The following TRAPPC13 variants were observed in gnomAD, a reference collection of about 807,000 sequenced individuals.
TRAPPC13 encodes trafficking protein particle complex subunit 13.
A neutral mutation model predicts 54.0 loss-of-function variants in TRAPPC13; 39 were observed. That is an observed-to-expected ratio of 0.72 (90% confidence interval 0.56 to 0.94). TRAPPC13 has a LOEUF of 0.94. Ranked by LOEUF, TRAPPC13 falls within the 40% of genes least tolerant of loss-of-function variation. The probability of loss-of-function intolerance (pLI) is 0.00; values close to 1 mark genes in which losing one functional copy is unlikely to be tolerated. For synonymous variants in TRAPPC13, 148 were observed against 167.7 expected (o/e 0.88, Z 0.91); for missense variants, 386 against 488.1 (o/e 0.79, Z 1.97).
At chr5:65,639,015 C>A (rs1755868563) in intron 4 of TRAPPC13, among the ~76,000 whole-genome samples, 1 of 152,184 alleles carries the variant, frequency 6.6e-6, no homozygotes, top group South Asian at 2.1e-4. Context: ...ACCTGGGAGG[C>A]TGAGGTTGCA....
chr5:65,657,971 TGAA>T (rs1433652567), intron 8 of TRAPPC13: 2 of 159,350 alleles, frequency 1.3e-5, no homozygotes, highest in African/African-American at 4.8e-5. Flanking sequence ...CATATTATAA[TGAA>T]GACTTAATTA....
At chr5:65,643,322 A>G (rs940446413) in intron 4 of TRAPPC13, among the ~76,000 whole-genome samples, 6 of 152,036 alleles carry the variant, frequency 3.9e-5, no homozygotes, top group Admixed American at 6.5e-5. Context: ...AGAAGAATGT[A>G]TATGTTTTAT....
intron 5 of TRAPPC13, among the ~76,000 whole-genome samples, chr5:65,647,572 C>T (rs879600798): frequency 6.6e-6 from 1 of 151,882 alleles, no homozygotes; most frequent in Admixed American, 6.6e-5. Context: ...TGCACTCTGT[C>T]CTGAGAACTC....
At position 65,658,423 on chromosome 5, in the gene TRAPPC13, T is replaced by C. The variant is rs1482706093; in HGVS notation, c.620T>C (p.Phe207Ser). The change falls in exon 9 of 13, where the codon TTT becomes TCT. Residue 207 changes from phenylalanine (F) to serine (S), a missense_variant. Physicochemically the swap from Phe to Ser is radical, Grantham distance 155 (BLOSUM62 -2). Transcript: ENST00000399438. ...CAGAATATGACAACCTCACCTATGT[T>C]TATGGAGAAGGTTTCACTGGAGCCA... The part of the protein sequence containing the change: ...QIQNMTTSPM[F>S]MEKVSLEPSI... 1 of 1,596,556 alleles carries C rather than the reference T, an allele frequency of 6.3e-7. No individual in the cohort carries two copies. The highest frequency in any genetic ancestry group is 8.5e-7 in the Non-Finnish European group (1 of 1,170,086).
chr5:65,632,328 A>T (rs1457500643), intron 1 of TRAPPC13, among the ~76,000 whole-genome samples: 1 of 152,090 alleles, frequency 6.6e-6, no homozygotes, highest in Admixed American at 6.5e-5. Flanking sequence ...GCACCTTTTT[A>T]TCTGTTTTCA....
At chr5:65,647,223 T>C (rs374854724) in intron 5 of TRAPPC13, 41 bp downstream of exon 5, 20 of 1,525,134 alleles carry the variant, frequency 1.3e-5, no homozygotes, top group Middle Eastern at 2.1e-4. Context: ...TTTTTACTTA[T>C]ATATGCCTTT....
chr5:65,652,848 G>A, intron 7 of TRAPPC13: 3 of 367,680 alleles, frequency 8.2e-6, no homozygotes, highest in Non-Finnish European at 1.5e-5. Context: ...CTAGCAATCT[G>A]TTGAATATTT....
intron 10 of TRAPPC13, chr5:65,661,125 T>C: frequency 2.6e-6 from 1 of 377,362 alleles, no homozygotes; most frequent in Non-Finnish European, 4.7e-6. Context: ...ACGTGTTCTT[T>C]ATCACACAGA....
At chr5:65,650,763 T>C (rs1282281774) in intron 5 of TRAPPC13, 47 bp from the exon 6 acceptor site, 18 of 1,500,858 alleles carry the variant, frequency 1.2e-5, no homozygotes, top group Non-Finnish European at 1.6e-5. Flanking sequence ...GATTTACTAT[T>C]AAAATTAAAA....
intron 6 of TRAPPC13, 33 bp from the exon 7 acceptor site, chr5:65,652,465 TAAC>T (rs1388998468): frequency 6.7e-7 from 1 of 1,486,064 alleles, no homozygotes; most frequent in African/African-American, 1.4e-5. Flanking sequence ...GGTCACATGA[TAAC>T]AATCTCCTGA....
At chr5:65,629,882 AAGC>A in intron 1 of TRAPPC13, 1 of 1,536,104 alleles carries the variant, frequency 6.5e-7, no homozygotes, top group Non-Finnish European at 8.7e-7. Context: ...TAGCTTGAAA[AAGC>A]AGCATTTAAC....
At chr5:65,630,292 A>G (rs1163294425) in intron 1 of TRAPPC13, 1 of 1,531,486 alleles carries the variant, frequency 6.5e-7, no homozygotes, top group Admixed American at 2.0e-5. Flanking sequence ...CTCTTACTGG[A>G]AAAATTAATT....
intron 5 of TRAPPC13, among the ~76,000 whole-genome samples, chr5:65,648,818 G>A (rs1334121825): frequency 6.6e-6 from 1 of 152,026 alleles, no homozygotes; most frequent in African/African-American, 2.4e-5. Context: ...AAATAAATGT[G>A]TATAAATAAT....
intron 1 of TRAPPC13, among the ~76,000 whole-genome samples, chr5:65,626,597 G>A (rs2150655399): frequency 6.6e-6 from 1 of 152,234 alleles, no homozygotes; most frequent in East Asian, 1.9e-4. Context: ...TTAGCCAGGC[G>A]TGGTGGCGGG....
At chr5:65,629,652 T>C (rs1755439018) in intron 1 of TRAPPC13, 1 of 1,535,918 alleles carries the variant, frequency 6.5e-7, no homozygotes, top group Non-Finnish European at 8.7e-7. Context: ...CTGCCAAAAA[T>C]TGCAGAAAAA....
intron 6 of TRAPPC13, 58 bp downstream of exon 6, chr5:65,650,940 A>G (rs1756408064): frequency 8.0e-7 from 1 of 1,254,752 alleles, no homozygotes; most frequent in South Asian, 1.2e-5. Context: ...CTGGTAGTAT[A>G]CAGTTATTCC....
chr5:65,626,738 AAAAC>A (rs1018638460), intron 1 of TRAPPC13, among the ~76,000 whole-genome samples: 11 of 152,182 alleles, frequency 7.2e-5, no homozygotes, highest in Non-Finnish European at 1.3e-4. Flanking sequence ...TCCATCTCAA[AAAAC>A]AAACAAACAA....
chr5:65,665,968 T>A lies in TRAPPC13; in HGVS notation c.*1357T>A, dbSNP rs557915959. The A allele has an allele frequency of 1.3e-5, 2 of 152,576 alleles. No homozygotes were observed. Among genetic ancestry groups the A allele is most frequent in the Admixed American group, 1.3e-4 (2 of 15,274 alleles). 9.5% of individuals were successfully genotyped at this position (152,576 alleles called of 1,614,324 possible). On this transcript the variant is annotated 3_prime_UTR_variant, in exon 13 of 13. Coordinates refer to ENST00000399438, the MANE Select transcript of TRAPPC13 (RefSeq NM_024941.4). ...ATCATTATTTATTGCCATAACAAATTGTTTGGTCCAAAATGAAAGCTATAT... is the reference window on the plus strand; with the variant it reads ...ATCATTATTTATTGCCATAACAAATAGTTTGGTCCAAAATGAAAGCTATAT...
chr5:65,638,514 G>A (rs992573801), intron 4 of TRAPPC13, among the ~76,000 whole-genome samples: 8 of 152,150 alleles, frequency 5.3e-5, no homozygotes, highest in African/African-American at 1.9e-4. Flanking sequence ...AGACATAGTG[G>A]TACACATGTG....
Sources: allele counts gnomAD v4.1 joint callset (sites outside exome capture counted in the v4.1 genomes callset), GRCh38; gene constraint gnomAD v4.1.1; transcripts MANE v1.5; gene names NCBI Gene and HGNC (gene_info 2026-07-23, HGNC 2026-07-21).